Variants in HHLA2 observed in about 807,000 individuals in gnomAD.
The protein encoded by HHLA2 is HHLA2 member of B7 family.
Under a neutral mutation model 45.9 loss-of-function variants are expected in HHLA2, and 48 were observed. The observed-to-expected ratio is 1.05, with a 90% confidence interval of 0.83 to 1.33. The LOEUF (loss-of-function observed/expected upper bound fraction) is 1.33. HHLA2 is among the 40% of genes most tolerant of loss of function. The pLI, the probability that HHLA2 is intolerant of heterozygous loss-of-function variation, is 0.00. For missense variants in HHLA2, 462 were observed against 494.3 expected, an observed-to-expected ratio of 0.93 and a Z score of 0.62; for synonymous variants, 161 against 173.9, an observed-to-expected ratio of 0.93 and a Z score of 0.59.
chr3:108,321,337 T>A (rs983480930), intron 2 of HHLA2, among the ~76,000 whole-genome samples: 6 of 152,176 alleles, frequency 3.9e-5, no homozygotes, highest in African/African-American at 1.4e-4. Flanking sequence ...CATTTTCCCA[T>A]AGCTTCTTGA....
At chr3:108,334,651 T>G (rs1215888790) in intron 3 of HHLA2, among the ~76,000 whole-genome samples, 1 of 152,220 alleles carries the variant, frequency 6.6e-6, no homozygotes, top group African/African-American at 2.4e-5. Context: ...TCACTTTAAC[T>G]GACGCACAGG....
At chr3:108,376,957 G>T in intron 10 of HHLA2, 1 of 373,386 alleles carries the variant, frequency 2.7e-6, no homozygotes, top group Admixed American at 4.3e-5. Flanking sequence ...CCTTTTTACT[G>T]CATTCCTTTT....
At chr3:108,338,116 T>A (rs532055880) in intron 3 of HHLA2, among the ~76,000 whole-genome samples, 1 of 151,784 alleles carries the variant, frequency 6.6e-6, no homozygotes, top group African/African-American at 2.4e-5. Flanking sequence ...TCTATATATA[T>A]AGAAATATAT....
At chr3:108,304,271 A>T (rs1282149871) in intron 1 of HHLA2, among the ~76,000 whole-genome samples, 1 of 152,188 alleles carries the variant, frequency 6.6e-6, no homozygotes. Flanking sequence ...TTAACAAACT[A>T]CCACAAATAT....
intron 1 of HHLA2, among the ~76,000 whole-genome samples, chr3:108,303,243 C>T (rs1201927938): frequency 6.6e-6 from 1 of 152,160 alleles, no homozygotes; most frequent in Non-Finnish European, 1.5e-5. Context: ...ATCAATTATC[C>T]TAATACTGTG....
At chr3:108,361,920 G>A (rs968104365) in intron 7 of HHLA2, among the ~76,000 whole-genome samples, 4 of 151,976 alleles carry the variant, frequency 2.6e-5, no homozygotes, top group Non-Finnish European at 1.5e-5. Flanking sequence ...GCTAATTTAT[G>A]GACATAATTA....
intron 6 of HHLA2, among the ~76,000 whole-genome samples, chr3:108,357,570 G>T (rs2081916295): frequency 6.6e-6 from 1 of 152,054 alleles, no homozygotes; most frequent in South Asian, 2.1e-4. Flanking sequence ...CTTACTGTCA[G>T]GTTCTAAGAG....
intron 1 of HHLA2, among the ~76,000 whole-genome samples, chr3:108,306,938 C>T (rs1471839350): frequency 1.3e-5 from 2 of 152,134 alleles, no homozygotes; most frequent in Non-Finnish European, 2.9e-5. Context: ...TCACTGTAAC[C>T]TCCACCTCCC....
Position 108,297,760 on chromosome 3 carries a change from C to A in HHLA2, c.-192+1161C>A, listed in dbSNP as rs777099768. Among the ~76,000 whole-genome samples the A allele has an allele frequency of 5.4e-4, 82 of 152,182 alleles. 1 individual carries two copies. The highest frequency in any genetic ancestry group is 3.9e-4 in the Admixed American group (6 of 15,274). On this transcript the variant is annotated intron_variant, in intron 1 of 10. Transcript: ENST00000619531. ...AGCATGTTCTATCAGTTGGCCTGAG[C>A]TGGGAAAGAAACCAATTCCTGTGTT...
At chr3:108,347,871 G>A (rs2081695732) in intron 3 of HHLA2, among the ~76,000 whole-genome samples, 1 of 152,140 alleles carries the variant, frequency 6.6e-6, no homozygotes, top group Admixed American at 6.6e-5. Context: ...CCAAACAACT[G>A]GAAGAATTTG....
At chr3:108,375,468 TAAAAG>T (rs1221391053) in intron 8 of HHLA2, among the ~76,000 whole-genome samples, 3 of 151,762 alleles carry the variant, frequency 2.0e-5, no homozygotes, top group East Asian at 3.9e-4. Context: ...CCCTAAAACT[TAAAAG>T]AATAATAATA....
At chr3:108,356,587 T>G (rs2107468134) in intron 6 of HHLA2, among the ~76,000 whole-genome samples, 1 of 152,362 alleles carries the variant, frequency 6.6e-6, no homozygotes, top group East Asian at 1.9e-4. Flanking sequence ...CAAATGTTAA[T>G]ATTATAAATA....
intron 7 of HHLA2, among the ~76,000 whole-genome samples, chr3:108,360,775 C>G (rs1189021845): frequency 2.0e-5 from 3 of 152,168 alleles, no homozygotes; most frequent in African/African-American, 4.8e-5. Flanking sequence ...TATGTTTGGA[C>G]TACAGTTGAC....
chr3:108,374,526 A>G (rs1344749815), intron 8 of HHLA2, among the ~76,000 whole-genome samples: 31 of 150,328 alleles, frequency 2.1e-4, no homozygotes, highest in African/African-American at 4.6e-4. Flanking sequence ...AGAAACTACC[A>G]TCAGAGTGAA....
intron 7 of HHLA2, among the ~76,000 whole-genome samples, 188 bp downstream of exon 6, chr3:108,358,349 G>GA (rs960564319): frequency 6.7e-5 from 10 of 149,870 alleles, no homozygotes; most frequent in South Asian, 2.1e-4. Flanking sequence ...GTCCTGTTTT[G>GA]AAAAAAAAAA....
intron 2 of HHLA2, among the ~76,000 whole-genome samples, chr3:108,318,878 T>A (rs889437579): frequency 1.3e-5 from 2 of 152,232 alleles, no homozygotes; most frequent in Admixed American, 6.5e-5. Flanking sequence ...TTCATATTTA[T>A]CTTTGTCTCT....
At chr3:108,346,069 T>G (rs77614376) in intron 3 of HHLA2, among the ~76,000 whole-genome samples, 2,221 of 152,092 alleles carry the variant, frequency 0.015, 38 homozygotes, top group African/African-American at 0.05. Flanking sequence ...TCACTTCCCC[T>G]TTTCCCTCAC....
At chr3:108,344,858 C>A (rs2081634976) in intron 3 of HHLA2, among the ~76,000 whole-genome samples, 1 of 152,190 alleles carries the variant, frequency 6.6e-6, no homozygotes, top group Non-Finnish European at 1.5e-5. Flanking sequence ...TAGCTATATT[C>A]TTTCTGATAT....
intron 3 of HHLA2, among the ~76,000 whole-genome samples, chr3:108,331,945 A>G (rs982444826): frequency 1.3e-5 from 2 of 152,152 alleles, no homozygotes; most frequent in African/African-American, 4.8e-5. Context: ...TAAGTGCTTA[A>G]TGACTGGTAC....
Sources: gnomAD v4.1 joint callset for allele counts (sites outside exome capture counted in the v4.1 genomes callset) on GRCh38, gnomAD v4.1.1 for gene constraint, MANE v1.5 for transcripts, NCBI Gene and HGNC (gene_info 2026-07-23, HGNC 2026-07-21) for gene names.